TIMP2: variants seen among roughly 807,000 people sequenced by gnomAD.
TIMP2 encodes the protein metalloproteinase inhibitor 2.
In TIMP2, 5 loss-of-function variants were observed where a neutral mutation model predicts 24.3. That is an observed-to-expected ratio of 0.21 (90% CI 0.11 to 0.43). TIMP2 has a LOEUF of 0.43. TIMP2 is among the 20% of genes least tolerant of loss of function. The probability of loss-of-function intolerance (pLI) is 1.00; values close to 1 mark genes in which losing one functional copy is unlikely to be tolerated. For synonymous variants in TIMP2, 130 were observed against 123.2 expected, an observed-to-expected ratio of 1.06 and a Z score of -0.37; for missense variants, 221 against 297.5, an observed-to-expected ratio of 0.74 and a Z score of 1.89.
chr17:78,876,597 A>G (rs1266448973), intron 1 of TIMP2, among the ~76,000 whole-genome samples: 1 of 150,966 alleles, frequency 6.6e-6, no homozygotes, highest in East Asian at 1.9e-4. Context: ...GCTCACTGCA[A>G]CCTCCACCTC....
rs563336026 is a variant in TIMP2 at position 78,874,435 on chromosome 17, G to A, written c.131-516C>T. 7.2e-5 allele frequency among the ~76,000 whole-genome samples: 11 copies of A among 152,260 alleles called. No individual in the cohort carries two copies. The South Asian group carries it at 1.5e-3, about 20-fold the overall frequency. On this transcript the variant is annotated intron_variant, in intron 1 of 4. Transcript: ENST00000262768. ...CGGCCTATTGGAAACAAGCTTTTCTGGGCTGAGGGCAGAGGGGGAGTTATC... is the reference window on the plus strand; with the variant it reads ...CGGCCTATTGGAAACAAGCTTTTCTAGGCTGAGGGCAGAGGGGGAGTTATC...
chr17:78,857,919 A>T (rs2069537970), intron 3 of TIMP2, among the ~76,000 whole-genome samples: 1 of 151,606 alleles, frequency 6.6e-6, no homozygotes, highest in Non-Finnish European at 1.5e-5. Context: ...AAATACAAAA[A>T]ATTAGCCGGG....
At chr17:78,880,242 A>G (rs1022259895) in intron 1 of TIMP2, among the ~76,000 whole-genome samples, 9 of 152,172 alleles carry the variant, frequency 5.9e-5, no homozygotes, top group African/African-American at 1.9e-4. Flanking sequence ...GCTGCCATCA[A>G]CACGTGGGTC....
chr17:78,866,869 G>A (rs1263571674), intron 3 of TIMP2, among the ~76,000 whole-genome samples: 1 of 152,134 alleles, frequency 6.6e-6, no homozygotes, highest in Non-Finnish European at 1.5e-5. Context: ...GCTTAGGGCT[G>A]GGGGAGGGGG....
chr17:78,891,336 G>C lies in TIMP2; in HGVS notation c.131-17417C>G. ...GGGTCTGCCATTTTCTTCCCTCTTG[G>C]GGTCCCAGCGCCACACTCTTGCATC... On this transcript the variant is annotated intron_variant, in intron 1 of 4. Transcript: ENST00000262768. This position sits in a 1 kb window ranked among gnomAD's most constrained non-coding sequence, Gnocchi z 4.5. 1 of 1,550,202 alleles carries C rather than the reference G, an allele frequency of 6.5e-7. No homozygotes were observed. The highest frequency in any genetic ancestry group is 8.7e-7 in the Non-Finnish European group (1 of 1,146,924).
At chr17:78,862,611 T>C (rs986138256) in intron 3 of TIMP2, among the ~76,000 whole-genome samples, 1 of 152,246 alleles carries the variant, frequency 6.6e-6, no homozygotes, top group Non-Finnish European at 1.5e-5. Context: ...TACATGGGTA[T>C]ATTGTGTGTC....
At chr17:78,861,908 T>C (rs2069570100) in intron 3 of TIMP2, among the ~76,000 whole-genome samples, 1 of 152,210 alleles carries the variant, frequency 6.6e-6, no homozygotes, top group African/African-American at 2.4e-5. Flanking sequence ...AACATGAACG[T>C]GGCTGTCATG....
At chr17:78,876,650 G>A (rs1295836157) in intron 1 of TIMP2, among the ~76,000 whole-genome samples, 1 of 152,000 alleles carries the variant, frequency 6.6e-6, no homozygotes, top group East Asian at 1.9e-4. Context: ...CTGAGTAGCT[G>A]GGGTTACAGG....
At chr17:78,880,366 G>T (rs2069768625) in intron 1 of TIMP2, among the ~76,000 whole-genome samples, 1 of 152,164 alleles carries the variant, frequency 6.6e-6, no homozygotes, top group African/African-American at 2.4e-5. Flanking sequence ...GCCCACAATT[G>T]GGGGAGGGAG....
At chr17:78,889,848 G>A (rs992194342) in intron 1 of TIMP2, among the ~76,000 whole-genome samples, 15 of 152,210 alleles carry the variant, frequency 9.9e-5, no homozygotes, top group African/African-American at 3.1e-4. Flanking sequence ...GGCCAGGCGC[G>A]GTGGCTCAAG....
rs1482838899 is a variant in TIMP2, at chr17:78,857,423, G to A, written c.465+99C>T. The stretch of plus-strand genomic sequence containing the variant: ...AGCCTGGTCTTAGATCAGGAGCCGG[G>A]GATTAACGGGTCCTGGAAAGCCAGG... On this transcript the variant is annotated intron_variant, in intron 4 of 4. Coordinates refer to ENST00000262768, the MANE Select transcript of TIMP2 (RefSeq NM_003255.5). 2.7e-6 allele frequency: 4 copies of A among 1,508,582 alleles called. No homozygotes were observed. In the East Asian group the frequency reaches 6.8e-5, roughly 26 times the overall value. The allele number at this position is 1,508,582 out of a possible 1,614,324, so 93.4% of individuals were successfully genotyped here.
intron 1 of TIMP2, among the ~76,000 whole-genome samples, chr17:78,912,017 T>C (rs867528201): frequency 2.0e-5 from 3 of 151,680 alleles, no homozygotes; most frequent in African/African-American, 2.4e-5. Flanking sequence ...TGAGCCAAGA[T>C]TGTGCCACTG....
intron 1 of TIMP2, among the ~76,000 whole-genome samples, chr17:78,907,811 C>T (rs1194808498): frequency 6.6e-6 from 1 of 152,120 alleles, no homozygotes; most frequent in African/African-American, 2.4e-5. Flanking sequence ...TACACCCTTG[C>T]CAAAGAAAGT....
intron 1 of TIMP2, among the ~76,000 whole-genome samples, chr17:78,915,529 T>C (rs964473152): frequency 6.6e-6 from 1 of 151,308 alleles, no homozygotes; most frequent in African/African-American, 2.4e-5. Flanking sequence ...TTTTCTTCTT[T>C]TTTTTTTTGA....
At chr17:78,856,607 G>A (rs1404228168) in intron 4 of TIMP2, 2 of 152,748 alleles carry the variant, frequency 1.3e-5, no homozygotes, top group African/African-American at 2.4e-5. Context: ...AGGGTGCTAG[G>A]AGCCCACAGG....
chr17:78,892,309 C>T (rs971207286), intron 1 of TIMP2: 5 of 1,550,566 alleles, frequency 3.2e-6, no homozygotes, highest in Non-Finnish European at 4.4e-6. Context: ...GACAGAGGCT[C>T]AGCCACATGG....
chr17:78,876,593 T>G (rs1350384731), intron 1 of TIMP2, among the ~76,000 whole-genome samples: 1 of 152,102 alleles, frequency 6.6e-6, no homozygotes, highest in East Asian at 1.9e-4. Context: ...CTCAGCTCAC[T>G]GCAACCTCCA....
chr17:78,893,143 G>A (rs561717956), intron 1 of TIMP2, among the ~76,000 whole-genome samples: 19 of 144,870 alleles, frequency 1.3e-4, no homozygotes, highest in East Asian at 1.1e-3. Flanking sequence ...GTGTGTGTGC[G>A]TACATGTGTG....
chr17:78,902,296 CG>C (rs1231882508), intron 1 of TIMP2, among the ~76,000 whole-genome samples: 1 of 152,212 alleles, frequency 6.6e-6, no homozygotes, highest in African/African-American at 2.4e-5. Context: ...TTAGTAGAGA[CG>C]GGGATTCACC....
Sources: allele counts gnomAD v4.1 joint callset (sites outside exome capture counted in the v4.1 genomes callset), GRCh38; gene constraint gnomAD v4.1.1; non-coding constraint Gnocchi (gnomAD v3.1); transcripts MANE v1.5; gene names NCBI Gene and HGNC (gene_info 2026-07-23, HGNC 2026-07-21).